RORA: variants seen among roughly 807,000 people sequenced by gnomAD.
RORA encodes the protein RAR related orphan receptor A.
In RORA, 7 loss-of-function variants were observed where a neutral mutation model predicts 69.5. That is an observed-to-expected ratio of 0.10 (90% CI 0.06 to 0.19). RORA has a LOEUF of 0.19. Among genes scored for constraint, RORA ranks in the 10% least tolerant of loss-of-function variants. The probability of loss-of-function intolerance (pLI) is 1.00; values close to 1 mark genes in which losing one functional copy is unlikely to be tolerated. For synonymous variants in RORA, 261 were observed against 240.8 expected, an observed-to-expected ratio of 1.08 and a Z score of -0.78; for missense variants, 457 against 663.0, an observed-to-expected ratio of 0.69 and a Z score of 3.41.
chr15:60,684,665 AT>A (rs1278269925), intron 1 of RORA, among the ~76,000 whole-genome samples: 1 of 152,162 alleles, frequency 6.6e-6, no homozygotes, highest in African/African-American at 2.4e-5. Context: ...ATTTCCTTTT[AT>A]TTTAAAAATA....
chr15:61,218,491 GAAGAAAAAATGATTTATTTTT>G (rs2140944674), intron 1 of RORA, among the ~76,000 whole-genome samples: 1 of 152,076 alleles, frequency 6.6e-6, no homozygotes, highest in African/African-American at 2.4e-5. Flanking sequence ...GTCTTTTGTG[GAAGAAAAAATGATTTATTTTT>G]TCTAATTACA....
Position 60,494,546 on chromosome 15 carries a change from A to AAAAAG in RORA, c.*2908_*2909insCTTTT, listed in dbSNP as rs1384314293. On this transcript the variant is annotated 3_prime_UTR_variant, in exon 11 of 11. Coordinates refer to ENST00000335670, the MANE Select transcript of RORA (RefSeq NM_134261.3). Reference sequence around the variant, plus strand: ...TGTAATAATGAAGAAAGGAAAATGCAAAGTTTTTCACATCCTTTTCTGAGC... The same window carrying AAAAAG: ...TGTAATAATGAAGAAAGGAAAATGCAAAAAGAAGTTTTTCACATCCTTTTCTGAGC... 6.6e-6 allele frequency: 1 copy of AAAAAG among 152,032 alleles called. No homozygotes were observed. The highest frequency in any genetic ancestry group is 2.4e-5 in the African/African-American group (1 of 41,390). 9.4% of individuals were successfully genotyped at this position (152,032 alleles called of 1,614,324 possible). A position where few individuals can be genotyped will look rare whatever the true frequency, so the allele number is the denominator to read the frequency against.
At chr15:61,180,965 G>A (rs2079679395) in intron 1 of RORA, among the ~76,000 whole-genome samples, 2 of 152,080 alleles carry the variant, frequency 1.3e-5, no homozygotes, top group South Asian at 4.2e-4. Flanking sequence ...TTATCTGGGT[G>A]TGGTGGTGTG....
At chr15:60,856,652 G>A (rs2073383827) in intron 1 of RORA, among the ~76,000 whole-genome samples, 1 of 152,222 alleles carries the variant, frequency 6.6e-6, no homozygotes, top group African/African-American at 2.4e-5. Flanking sequence ...GAAAGAGTAT[G>A]CTGTAGAGTG....
chr15:60,791,122 T>C (rs2072410847), intron 1 of RORA, among the ~76,000 whole-genome samples: 3 of 152,100 alleles, frequency 2.0e-5, no homozygotes, highest in African/African-American at 4.8e-5. Flanking sequence ...TAAAACTGAT[T>C]GTAGAACGAG....
chr15:60,845,833 G>A (rs1468729260), intron 1 of RORA, among the ~76,000 whole-genome samples: 7 of 152,136 alleles, frequency 4.6e-5, no homozygotes, highest in Admixed American at 2.0e-4. Context: ...TGCAACCTCC[G>A]CCTCCCGGGT....
At chr15:60,583,320 G>T (rs564537079) in intron 2 of RORA, among the ~76,000 whole-genome samples, 28 of 152,344 alleles carry the variant, frequency 1.8e-4, no homozygotes, top group African/African-American at 6.3e-4. Flanking sequence ...GTGCTAAACA[G>T]GAAGCACTGA....
chr15:60,694,671 A>T (rs2070876800), intron 1 of RORA, among the ~76,000 whole-genome samples: 1 of 152,192 alleles, frequency 6.6e-6, no homozygotes, highest in African/African-American at 2.4e-5. Context: ...TTATTGTATT[A>T]TCCAAATGCA....
chr15:61,107,040 G>C (rs1202364062), intron 1 of RORA, among the ~76,000 whole-genome samples: 2 of 152,190 alleles, frequency 1.3e-5, no homozygotes, highest in Non-Finnish European at 2.9e-5. Context: ...TGAGCAGCCA[G>C]CATCTGCCCA....
intron 1 of RORA, among the ~76,000 whole-genome samples, chr15:60,937,015 C>T (rs758618526): frequency 6.6e-6 from 1 of 152,018 alleles, no homozygotes; most frequent in Non-Finnish European, 1.5e-5. Context: ...CAACTGCAAA[C>T]ATTTACTTAA....
At chr15:61,141,660 A>T (rs1427546812) in intron 1 of RORA, among the ~76,000 whole-genome samples, 3 of 152,192 alleles carry the variant, frequency 2.0e-5, no homozygotes, top group Non-Finnish European at 4.4e-5. Flanking sequence ...TCATAAGGAC[A>T]AGATTGACCC....
intron 1 of RORA, among the ~76,000 whole-genome samples, chr15:61,006,304 C>G (rs1159611620): frequency 6.6e-6 from 1 of 151,992 alleles, no homozygotes; most frequent in Non-Finnish European, 1.5e-5. Context: ...CTGTGTGTTT[C>G]ATGATTTCTA....
chr15:60,697,198 G>A (rs186461709), intron 1 of RORA, among the ~76,000 whole-genome samples: 1 of 152,290 alleles, frequency 6.6e-6, no homozygotes, highest in African/African-American at 2.4e-5. Context: ...AATTGCTATG[G>A]ATTGCTTTTT....
intron 1 of RORA, among the ~76,000 whole-genome samples, chr15:61,076,428 A>G (rs2011857): frequency 0.4 from 61,223 of 151,422 alleles, 12,614 homozygotes; most frequent in African/African-American, 0.45. Context: ...CGTTTCAACA[A>G]CTTCTATCAT....
chr15:61,121,077 T>TCA, intron 1 of RORA, among the ~76,000 whole-genome samples: 1 of 152,026 alleles, frequency 6.6e-6, no homozygotes, highest in East Asian at 2.0e-4. Flanking sequence ...CTCAAACTCC[T>TCA]GACCTCAGGT....
chr15:60,811,046 A>T (rs1400225340), intron 1 of RORA, among the ~76,000 whole-genome samples: 1 of 152,178 alleles, frequency 6.6e-6, no homozygotes, highest in Admixed American at 6.5e-5. Context: ...GTGGGAGACA[A>T]GTCCGAAAGA....
intron 1 of RORA, among the ~76,000 whole-genome samples, chr15:60,801,029 A>T (rs543144411): frequency 1.3e-5 from 2 of 152,334 alleles, no homozygotes; most frequent in East Asian, 3.9e-4. Flanking sequence ...ACTAGACGTG[A>T]AGGGACTTTT....
intron 1 of RORA, among the ~76,000 whole-genome samples, chr15:60,930,199 C>T (rs1312013869): frequency 1.3e-5 from 2 of 152,136 alleles, no homozygotes; most frequent in Non-Finnish European, 2.9e-5. Context: ...ATAGTAGATA[C>T]AGACGAAAAA....
chr15:60,999,543 C>T (rs571173218), intron 1 of RORA, among the ~76,000 whole-genome samples: 10 of 152,342 alleles, frequency 6.6e-5, no homozygotes, highest in Admixed American at 5.9e-4. Flanking sequence ...GTCTTTTAGA[C>T]ATGCCCTTCA....
Sources: allele counts gnomAD v4.1 joint callset (sites outside exome capture counted in the v4.1 genomes callset), GRCh38; gene constraint gnomAD v4.1.1; transcripts MANE v1.5; gene names NCBI Gene and HGNC (gene_info 2026-07-23, HGNC 2026-07-21).